Variants in NOP56 observed in about 807,000 individuals in gnomAD.
NOP56 encodes nucleolar protein 56.
A neutral mutation model predicts 58.3 loss-of-function variants in NOP56; 31 were observed. The ratio of observed to expected loss-of-function variants is 0.53; its 90% CI spans 0.40 to 0.72. The LOEUF is 0.72. NOP56 is among the 30% of genes least tolerant of loss of function. The pLI, the probability that NOP56 is intolerant of heterozygous loss-of-function variation, is 0.00. For synonymous variants in NOP56, 313 were observed against 282.8 expected (o/e 1.11, Z -1.07); for missense variants, 669 against 739.9 (o/e 0.90, Z 1.11).
Position 2,658,134 on chromosome 20 carries a change from A to C in NOP56, c.1625A>C (p.Glu542Ala), listed in dbSNP as rs528365293. 1 of 1,614,110 alleles carries C rather than the reference A, an allele frequency of 6.2e-7. No homozygotes were observed. Among genetic ancestry groups the C allele is most frequent in the African/African-American group, 1.3e-5 (1 of 75,046 alleles). The stretch of plus-strand genomic sequence containing the variant: ...AGGAAGAAGTCTACACCCAAGGAGG[A>C]AACAGTTAATGACCCTGAGGAGGCA... The part of the protein sequence containing the change: ...PKRKKSTPKE[E>A]TVNDPEEAGH... The change falls in exon 12 of 12, where the codon GAA becomes GCA. Residue 542 changes from glutamate to alanine, a missense_variant. Around this residue, in one of 3 missense-constraint regions of NOP56, gnomAD observed 209 missense variants for 196.2 expected, o/e 1.07. Coordinates refer to ENST00000329276, the MANE Select transcript of NOP56 (RefSeq NM_006392.4).
rs1201219077 is a variant in NOP56, at chr20:2,658,383, A to G, written c.*89A>G. 9.3e-6 allele frequency: 15 copies of G among 1,610,962 alleles called. No individual in the cohort carries two copies. The highest frequency in any genetic ancestry group is 1.3e-5 in the Non-Finnish European group (15 of 1,178,622). Reference sequence around the variant, plus strand: ...TGTGCCGTGTTCCCCAATAAAAACAAATTCACAAGAGTTGGTTCATGTTCT... The same window carrying G: ...TGTGCCGTGTTCCCCAATAAAAACAGATTCACAAGAGTTGGTTCATGTTCT... On this transcript the variant is annotated 3_prime_UTR_variant, in exon 12 of 12. Coordinates refer to ENST00000329276, the MANE Select transcript of NOP56 (RefSeq NM_006392.4).
At chr20:2,653,948 CG>C (rs1568540559) in intron 3 of NOP56, 1 of 338,548 alleles carries the variant, frequency 3.0e-6, no homozygotes, top group African/African-American at 2.1e-5. Context: ...CGACGGTGCC[CG>C]GCCGACAAAG....
rs775101256 is a variant in NOP56 at position 2,655,418 on chromosome 20, G to A, written c.663G>A (p.Arg221=). The A allele has an allele frequency of 8.7e-6, 14 of 1,614,018 alleles. No homozygotes were observed. The highest frequency in any genetic ancestry group is 1.3e-5 in the African/African-American group (1 of 74,874). Residue 221 remains arginine (R), a synonymous_variant, in exon 6 of 12, where the codon AGG becomes AGA. Transcript: ENST00000329276. ...CRLAQFIGNR[R]ELNEDKLEKL... ...TTGCCCAGTTTATTGGAAACCGAAGGGAACTGAATGAGGACAAGCTGGAGA... is the reference window on the plus strand; with the variant it reads ...TTGCCCAGTTTATTGGAAACCGAAGAGAACTGAATGAGGACAAGCTGGAGA...
chr20:2,657,925 T>G lies in NOP56; in HGVS notation c.1420-4T>G. The G allele has an allele frequency of 6.3e-7, 1 of 1,578,498 alleles. No individual in the cohort carries two copies. On this transcript the variant is annotated splice_polypyrimidine_tract_variant and splice_region_variant and intron_variant, in intron 11 of 11. Transcript: ENST00000329276. ...ACAGCCTGTTCCCCTGTCCTTCCCT[T>G]TAGGAGATGAGTGAAAAACCCAAAA... is the stretch of plus-strand genomic sequence containing the variant.
rs914987026 is a variant in NOP56 at position 2,653,934 on chromosome 20, C to T, written c.209-480C>T. ...TCCCAAGGTGCTGAGGTTGCAGGCG[C>T]GAGCGACGGTGCCCGGCCGACAAAG... On this transcript the variant is annotated intron_variant, in intron 3 of 11. Coordinates refer to ENST00000329276, the MANE Select transcript of NOP56 (RefSeq NM_006392.4). 16 of 336,306 alleles carry T rather than the reference C, an allele frequency of 4.8e-5. No individual in the cohort carries two copies. In the East Asian group the frequency reaches 6.7e-4, roughly 14 times the overall value. The allele number at this position is 336,306 out of a possible 1,614,324, so 20.8% of individuals were successfully genotyped here.
At chr20:2,657,012 A>G (rs770982453) in intron 10 of NOP56, 69 bp from the exon 11 acceptor site, 4 of 1,613,950 alleles carry the variant, frequency 2.5e-6, no homozygotes, top group South Asian at 1.1e-5. Flanking sequence ...GCCTGATCCA[A>G]TAAAGCCAGA....
At chr20:2,653,568 C>T (rs2086778842) in intron 3 of NOP56, 175 bp downstream of exon 3, 1 of 615,832 alleles carries the variant, frequency 1.6e-6, no homozygotes, top group South Asian at 1.9e-5. Flanking sequence ...AGCTCAAGGT[C>T]TGGGAACTGT....
At chr20:2,657,732 T>A in intron 11 of NOP56, 197 bp from the exon 12 acceptor site, 1 of 618,912 alleles carries the variant, frequency 1.6e-6, no homozygotes, top group Non-Finnish European at 2.8e-6. Context: ...TGGGCTGAGG[T>A]AATTTCTCAT....
chr20:2,654,510 C>T lies in NOP56; in HGVS notation c.305C>T (p.Ala102Val). The change falls in exon 4 of 12, where the codon GCC (alanine) becomes GTC (valine). Residue 102 changes from alanine (A) to valine (V), a missense_variant. This residue lies in a region of NOP56 where 339 missense variants were observed against 430.5 expected (regional missense o/e 0.79). Transcript: ENST00000329276. Reference sequence around the variant, plus strand: ...GGAGTTGGGGATCCCAAGATTGGTGCCGCAATACAGGAGGAGTTAGGGTAC... The same window carrying T: ...GGAGTTGGGGATCCCAAGATTGGTGTCGCAATACAGGAGGAGTTAGGGTAC... ...LLGVGDPKIG[A>V]AIQEELGYNC... 6.2e-7 allele frequency: 1 copy of T among 1,614,210 alleles called. No homozygotes were observed. The highest frequency in any genetic ancestry group is 8.5e-7 in the Non-Finnish European group (1 of 1,180,040).
At chr20:2,655,883 G>A in intron 7 of NOP56, 51 bp from the exon 8 acceptor site, 2 of 1,612,486 alleles carry the variant, frequency 1.2e-6, no homozygotes, top group Non-Finnish European at 1.7e-6. Context: ...TCGTGCAACT[G>A]GGCAGGTCAG....
At position 2,656,520 on chromosome 20, in the gene NOP56, G is replaced by C. The variant is rs1420189781; in HGVS notation, c.1130G>C (p.Ser377Thr). The change falls in exon 9 of 12, where the codon AGT becomes ACT. Residue 377 changes from serine (S) to threonine (T), a missense_variant. This residue lies in a region of NOP56 where 339 missense variants were observed against 430.5 expected (regional missense o/e 0.79). Coordinates refer to ENST00000329276, the MANE Select transcript of NOP56 (RefSeq NM_006392.4). The part of the protein sequence containing the change: ...RISRYLANKC[S>T]IASRIDCFSE... ...TCCCGATACCTGGCAAACAAATGCA[G>C]TATTGCCTCACGAATCGATTGCTTC... 6.2e-7 allele frequency: 1 copy of C among 1,609,070 alleles called. No homozygotes were observed. The highest frequency in any genetic ancestry group is 8.5e-7 in the Non-Finnish European group (1 of 1,177,334).
Position 2,655,746 on chromosome 20 carries a change from G to A in NOP56, c.909G>A (p.Ala303=), listed in dbSNP as rs1295942947. Residue 303 remains alanine, a splice_region_variant and synonymous_variant, in exon 7 of 12, where the codon GCG becomes GCA. Transcript: ENST00000329276. ...GCCTGTCAGCCCTAATTGGGGAAGC[G>A]GTGCGTCACAGGGGACTCAAAAATG... ...APSLSALIGE[A]VGARLIAHAG... The A allele has an allele frequency of 2.5e-5, 41 of 1,614,040 alleles. No homozygotes were observed. The highest frequency in any genetic ancestry group is 3.1e-5 in the Non-Finnish European group (36 of 1,180,042).
At chr20:2,657,334 A>G in intron 11 of NOP56, 116 bp downstream of exon 11, 7 of 1,434,872 alleles carry the variant, frequency 4.9e-6, no homozygotes, top group Non-Finnish European at 5.9e-6. Context: ...GACTGAAACA[A>G]GGACCTGAAA....
At chr20:2,657,856 G>GC (rs1369757213) in intron 11 of NOP56, 73 bp from the exon 12 acceptor site, 20 of 1,486,280 alleles carry the variant, frequency 1.3e-5, no homozygotes, top group Non-Finnish European at 1.8e-5. Flanking sequence ...GCGTTCCCCT[G>GC]CCTTGGCTAC....
At chr20:2,654,358 T>G in intron 3 of NOP56, 56 bp from the exon 4 acceptor site, 2 of 1,589,140 alleles carry the variant, frequency 1.3e-6, no homozygotes, top group Non-Finnish European at 1.7e-6. Flanking sequence ...AGCTGAGGGA[T>G]GTTAGAGTTG....
At chr20:2,652,973 C>G in intron 2 of NOP56, 42 bp downstream of exon 2, 1 of 1,515,388 alleles carries the variant, frequency 6.6e-7, no homozygotes, top group East Asian at 2.4e-5. Flanking sequence ...CCCGCAGACC[C>G]TCATCGCGCG....
In NOP56 at chr20:2,652,724, C is replaced by A. The variant is rs1429810344; in HGVS notation, c.3+61C>A. On this transcript the variant is annotated intron_variant, in intron 1 of 11. Coordinates refer to ENST00000329276, the MANE Select transcript of NOP56 (RefSeq NM_006392.4). ...GTGGGGGTTTCGGCCTGCGTTCGGG[C>A]CGCAGACAGGGCCTGGGCCTGGGCC... is the stretch of plus-strand genomic sequence containing the variant. 2.0e-6 allele frequency: 3 copies of A among 1,503,004 alleles called. No individual in the cohort carries two copies. The East Asian group carries it at 8.1e-5, about 41-fold the overall frequency. 93.1% of individuals were successfully genotyped at this position (1,503,004 alleles called of 1,614,324 possible). A position where few individuals can be genotyped will look rare whatever the true frequency, so the allele number is the denominator to read the frequency against.
chr20:2,653,945 GC>G, intron 3 of NOP56: 1 of 339,416 alleles, frequency 2.9e-6, no homozygotes, highest in South Asian at 2.3e-5. Context: ...GAGCGACGGT[GC>G]CCGGCCGACA....
chr20:2,656,029 G>T lies in NOP56; in HGVS notation c.1005G>T (p.Leu335=). ...TVQILGAEKA[L]FRALKTRGNT... ...AGATCCTTGGGGCTGAAAAGGCCCT[G>T]TTCAGGTACCAGTGAGGGCACCTGC... Residue 335 remains leucine, a synonymous_variant, in exon 8 of 12, where the codon CTG becomes CTT. Transcript: ENST00000329276. 6.2e-7 allele frequency: 1 copy of T among 1,614,180 alleles called. No homozygotes were observed. The highest frequency in any genetic ancestry group is 1.1e-5 in the South Asian group (1 of 91,086).
Sources: gnomAD v4.1 joint callset for allele counts on GRCh38, gnomAD v4.1.1 for gene constraint, gnomAD v4.1.1 regional missense constraint, MANE v1.5 for transcripts, NCBI Gene and HGNC (gene_info 2026-07-23, HGNC 2026-07-21) for gene names.